LGSN: variants seen among roughly 807,000 people sequenced by gnomAD.
LGSN encodes lengsin, lens protein with glutamine synthetase domain, also known as lengsin.
LGSN carries 21 observed loss-of-function variants against 19.5 expected under a neutral mutation model. That is an observed-to-expected ratio of 1.07 (90% CI 0.76 to 1.55). The LOEUF is 1.55. Among genes scored for constraint, LGSN ranks in the 40% most tolerant of loss-of-function variants. LGSN has a pLI of 0.00. For synonymous variants in LGSN, 257 were observed against 215.6 expected, an observed-to-expected ratio of 1.19 and a Z score of -1.68; for missense variants, 673 against 608.5, an observed-to-expected ratio of 1.11 and a Z score of -1.12.
At chr6:63,447,906 G>A in the LGSN span, among the ~76,000 whole-genome samples, 50 of 152,158 alleles carry the variant, frequency 3.3e-4, no homozygotes, top group African/African-American at 1.2e-3. Flanking sequence ...CTCAAAGTAG[G>A]AAATCCAATA....
At chr6:63,456,062 T>G in the LGSN span, among the ~76,000 whole-genome samples, 3 of 150,888 alleles carry the variant, frequency 2.0e-5, no homozygotes, top group African/African-American at 7.3e-5. Flanking sequence ...ACCCCGTCTC[T>G]ACTAAAAATA....
chr6:63,399,160 G>C, the LGSN span, among the ~76,000 whole-genome samples: 10 of 151,880 alleles, frequency 6.6e-5, no homozygotes, highest in African/African-American at 2.4e-4. Context: ...TTCTATGTTT[G>C]GATGCACAGA....
chr6:63,528,915 C>A, the LGSN span, among the ~76,000 whole-genome samples: 1 of 151,888 alleles, frequency 6.6e-6, no homozygotes, highest in African/African-American at 2.4e-5. Flanking sequence ...ATGGTGAAAC[C>A]CCATCTCTGC....
the LGSN span, among the ~76,000 whole-genome samples, chr6:63,469,395 T>C: frequency 6.6e-6 from 1 of 152,168 alleles, no homozygotes; most frequent in Non-Finnish European, 1.5e-5. Context: ...AGTCAGATAT[T>C]GGAAGGCAAT....
chr6:63,518,501 T>C, the LGSN span, among the ~76,000 whole-genome samples: 1 of 152,188 alleles, frequency 6.6e-6, no homozygotes, highest in East Asian at 1.9e-4. Flanking sequence ...GTCCACCTAA[T>C]CAGAATTCCT....
chr6:63,556,714 C>T, the LGSN span, among the ~76,000 whole-genome samples: 2 of 152,186 alleles, frequency 1.3e-5, no homozygotes, highest in Admixed American at 6.5e-5. Flanking sequence ...GTCACTGATA[C>T]TGCTTGTCAG....
the LGSN span, among the ~76,000 whole-genome samples, chr6:63,510,970 C>T: frequency 1.1e-3 from 166 of 152,104 alleles, no homozygotes; most frequent in Admixed American, 4.5e-3. Context: ...CCACCGCTCC[C>T]GGTCAAGATG....
the LGSN span, among the ~76,000 whole-genome samples, chr6:63,436,618 G>T: frequency 1.3e-5 from 2 of 152,154 alleles, no homozygotes; most frequent in African/African-American, 4.8e-5. Context: ...GAAGGCAATT[G>T]CCACCATTCC....
chr6:63,380,407 C>G, the LGSN span, among the ~76,000 whole-genome samples: 1 of 152,176 alleles, frequency 6.6e-6, no homozygotes, highest in Non-Finnish European at 1.5e-5. Context: ...AGACGCATAT[C>G]ACAGGAAAGG....
the LGSN span, among the ~76,000 whole-genome samples, chr6:63,542,943 G>A: frequency 6.6e-6 from 1 of 152,030 alleles, no homozygotes; most frequent in Non-Finnish European, 1.5e-5. Flanking sequence ...CCATAAAACA[G>A]CCAGAAGCAT....
intron 1 of LGSN, 87 bp from the exon 2 acceptor site, chr6:63,295,132 C>G: frequency 8.0e-7 from 1 of 1,256,750 alleles, no homozygotes; most frequent in Non-Finnish European, 1.1e-6. Context: ...TTGAATAGCT[C>G]AATTTTTTAA....
At chr6:63,328,112 A>T in the LGSN span, among the ~76,000 whole-genome samples, 1 of 152,210 alleles carries the variant, frequency 6.6e-6, no homozygotes, top group Non-Finnish European at 1.5e-5. Context: ...AAGTGCCACT[A>T]GTTCTGCTAA....
rs1767308728 is a variant in LGSN at position 63,281,306 on chromosome 6, TATATATATATATATATATATATATAATAA to T, written c.331-115_331-87del. The T allele has an allele frequency of 6.3e-5, 9 of 143,992 alleles. No individual in the cohort carries two copies. The South Asian group carries it at 1.6e-3, about 26-fold the overall frequency. The allele number at this position is 143,992 out of a possible 1,614,324, so 8.9% of individuals were successfully genotyped here. A position where few individuals can be genotyped will look rare whatever the true frequency, so the allele number is the denominator to read the frequency against. On this transcript the variant is annotated intron_variant, in intron 3 of 3. Coordinates refer to ENST00000370657, the MANE Select transcript of LGSN (RefSeq NM_016571.3). ...GGCGGGAAAGCCTTGCTAATGAAAA[TATATATATATATATATATATATATAATAA>T]ATATATATATATATGTTTAACACTT...
chr6:63,557,163 A>C, the LGSN span, among the ~76,000 whole-genome samples: 1 of 152,242 alleles, frequency 6.6e-6, no homozygotes, highest in Non-Finnish European at 1.5e-5. Flanking sequence ...TTAAAAAATG[A>C]TTATCATCAT....
At chr6:63,513,936 A>C in the LGSN span, among the ~76,000 whole-genome samples, 2 of 150,520 alleles carry the variant, frequency 1.3e-5, no homozygotes, top group African/African-American at 2.4e-5. Context: ...AAAAAAAAAA[A>C]CACTGGAAAA....
At chr6:63,330,477 G>T in the LGSN span, among the ~76,000 whole-genome samples, 1 of 152,170 alleles carries the variant, frequency 6.6e-6, no homozygotes, top group African/African-American at 2.4e-5. Context: ...CGGCTGATTA[G>T]GTAATAAACT....
the LGSN span, among the ~76,000 whole-genome samples, chr6:63,337,169 C>T: frequency 1.5e-4 from 23 of 151,816 alleles, no homozygotes; most frequent in Admixed American, 2.0e-4. Context: ...TTGATCTGCC[C>T]GCCTCGGTCT....
At chr6:63,495,353 G>T in the LGSN span, among the ~76,000 whole-genome samples, 1 of 151,752 alleles carries the variant, frequency 6.6e-6, no homozygotes, top group Admixed American at 6.6e-5. Flanking sequence ...GCAAGTAGCA[G>T]AGAAGAGATC....
chr6:63,391,676 A>G, the LGSN span, among the ~76,000 whole-genome samples: 1 of 152,326 alleles, frequency 6.6e-6, no homozygotes, highest in Non-Finnish European at 1.5e-5. Context: ...GTCAACATCC[A>G]ATATTGACCA....
Sources: gnomAD v4.1 joint callset for allele counts (sites outside exome capture counted in the v4.1 genomes callset) on GRCh38, gnomAD v4.1.1 for gene constraint, MANE v1.5 for transcripts, NCBI Gene and HGNC (gene_info 2026-07-23, HGNC 2026-07-21) for gene names.